Variants in IFT172 observed in about 807,000 individuals in gnomAD.
The protein encoded by IFT172 is intraflagellar transport 172.
Under a neutral mutation model 248.9 loss-of-function variants are expected in IFT172, and 164 were observed. The observed-to-expected ratio is 0.66, with a 90% CI of 0.58 to 0.75. IFT172 has a LOEUF of 0.75. Ranked by LOEUF, IFT172 falls within the 30% of genes least tolerant of loss-of-function variation. The pLI, the probability that IFT172 is intolerant of heterozygous loss-of-function variation, is 0.00. For synonymous variants in IFT172, 729 were observed against 791.6 expected, an observed-to-expected ratio of 0.92 and a Z score of 1.33; for missense variants, 1,950 against 2,192.4, an observed-to-expected ratio of 0.89 and a Z score of 2.21.
At chr2:27,488,836 T>C (rs183611512) in intron 1 of IFT172, among the ~76,000 whole-genome samples, 1 of 152,120 alleles carries the variant, frequency 6.6e-6, no homozygotes. Context: ...CTGGGCAACA[T>C]GGGGAAACCT....
At chr2:27,476,774 G>A in intron 13 of IFT172, 48 bp from the exon 14 acceptor site, 1 of 1,121,282 alleles carries the variant, frequency 8.9e-7, no homozygotes, top group East Asian at 2.4e-5. Context: ...AGGTAGTTGG[G>A]ATGTTTATTA....
intron 23 of IFT172, among the ~76,000 whole-genome samples, chr2:27,460,718 T>C (rs532581249): frequency 6.9e-5 from 8 of 115,302 alleles, no homozygotes; most frequent in East Asian, 2.4e-4. Context: ...CTCCCCACAA[T>C]TGTCTTGTGA....
chr2:27,456,530 C>A lies in IFT172; in HGVS notation c.3352G>T (p.Asp1118Tyr). Reference sequence around the variant, plus strand: ...CCTCACCAATTGTCTGCAGCGTGGTCAACAGCAGCTTCCAGGAGTCCCAGC... The same window carrying A: ...CCTCACCAATTGTCTGCAGCGTGGTAAACAGCAGCTTCCAGGAGTCCCAGC... ...NKLGLLEAAV[D>Y]HAADNCSFEF... is the part of the protein sequence containing the mutation. Residue 1118 changes from aspartate to tyrosine, a missense_variant, in exon 30 of 48, where the codon GAC becomes TAC. Physicochemically the swap from Asp to Tyr is radical, Grantham distance 160. Coordinates refer to ENST00000260570, the MANE Select transcript of IFT172 (RefSeq NM_015662.3). 1 of 1,613,774 alleles carries A rather than the reference C, an allele frequency of 6.2e-7. No homozygotes were observed. The highest frequency in any genetic ancestry group is 8.5e-7 in the Non-Finnish European group (1 of 1,179,900).
Position 27,458,816 on chromosome 2 carries a change from A to G in IFT172, c.2840T>C (p.Met947Thr), listed in dbSNP as rs1196018893. The change falls in exon 26 of 48, where the codon ATG (methionine) becomes ACG (threonine). Residue 947 changes from methionine to threonine, a missense_variant. This residue lies in a region of IFT172 where 1,166 missense variants were observed against 1,254.1 expected (regional missense o/e 0.93). Transcript: ENST00000260570. Reference protein sequence around the residue: ...KGDRTKDAIDMYTQAGRWEQA... With the variant: ...KGDRTKDAIDTYTQAGRWEQA... ...TTCCCAACGACCAGCCTGGGTGTAC[A>G]TGTCTATGGCATCTTTTGTCCGATC... The G allele has an allele frequency of 9.3e-6, 15 of 1,614,032 alleles. No individual in the cohort carries two copies. The highest frequency in any genetic ancestry group is 2.2e-5 in the South Asian group (2 of 91,084).
chr2:27,484,934 C>G (rs1668646880), intron 3 of IFT172, 84 bp downstream of exon 3: 3 of 825,832 alleles, frequency 3.6e-6, no homozygotes, highest in Admixed American at 4.1e-5. Flanking sequence ...TTCTCATCCC[C>G]TGTATTTCCC....
At chr2:27,481,320 A>T in intron 7 of IFT172, 60 bp from the exon 8 acceptor site, 5 of 1,256,476 alleles carry the variant, frequency 4.0e-6, no homozygotes, top group Non-Finnish European at 5.7e-6. Context: ...GAAATTCCTC[A>T]CTCTCAACAC....
rs772212247 is a variant in IFT172 at position 27,449,715 on chromosome 2, C to T, written c.4136G>A (p.Arg1379His). 2.7e-5 allele frequency: 44 copies of T among 1,613,608 alleles called. No individual in the cohort carries two copies. Among genetic ancestry groups the T allele is most frequent in the South Asian group, 8.8e-5 (8 of 91,046 alleles). Residue 1379 changes from arginine to histidine, a missense_variant, in exon 37 of 48, where the codon CGT (arginine) becomes CAT (histidine). By Grantham distance (29) the Arg-to-His change is conservative (BLOSUM62 0). This residue lies in a region of IFT172 where 620 missense variants were observed against 699.0 expected (regional missense o/e 0.89). Transcript: ENST00000260570. ...CCTGGGATCTAACTCCTTAGCTACA[C>T]GCTTCGCCTTGTTCCACTCCTCACC... ...IEGEEWNKAK[R>H]VAKELDPRYE... is the part of the protein sequence containing the mutation.
chr2:27,461,932 G>A lies in IFT172; in HGVS notation c.2116-96C>T, dbSNP rs1057486461. 1.8e-5 allele frequency: 24 copies of A among 1,342,468 alleles called. No individual in the cohort carries two copies. The Admixed American group carries it at 3.8e-4, about 21-fold the overall frequency. The allele number at this position is 1,342,468 out of a possible 1,614,324, so 83.2% of individuals were successfully genotyped here. Reference sequence around the variant, plus strand: ...CAGCCTGGCTAAGATGCCAGCCCATGAGGACCAAAAGCCTTTTAACTACTA... The same window carrying A: ...CAGCCTGGCTAAGATGCCAGCCCATAAGGACCAAAAGCCTTTTAACTACTA... On this transcript the variant is annotated intron_variant, in intron 20 of 47. Transcript: ENST00000260570.
intron 9 of IFT172, 42 bp downstream of exon 9, chr2:27,479,984 G>T (rs1172653192): frequency 6.3e-7 from 1 of 1,591,862 alleles, no homozygotes; most frequent in Admixed American, 1.8e-5. Context: ...TTTCTAGTTT[G>T]GTGAAAGTCA....
At chr2:27,467,925 C>T (rs1667229990) in intron 16 of IFT172, among the ~76,000 whole-genome samples, 1 of 151,988 alleles carries the variant, frequency 6.6e-6, no homozygotes, top group Non-Finnish European at 1.5e-5. Flanking sequence ...CTATGGGAGG[C>T]TGAGGCTGGC....
intron 16 of IFT172, among the ~76,000 whole-genome samples, chr2:27,469,676 A>T (rs1558394819): frequency 6.6e-6 from 1 of 152,200 alleles, no homozygotes; most frequent in African/African-American, 2.4e-5. Flanking sequence ...TACTAAAAAT[A>T]CAAAAATTAG....
chr2:27,480,858 G>A (rs1369866518), intron 8 of IFT172, among the ~76,000 whole-genome samples, 188 bp downstream of exon 8: 2 of 152,142 alleles, frequency 1.3e-5, no homozygotes, highest in Non-Finnish European at 2.9e-5. Context: ...GACAAAACAA[G>A]AGCCCAGGAC....
intron 16 of IFT172, among the ~76,000 whole-genome samples, chr2:27,468,830 C>G (rs1341118094): frequency 7.4e-6 from 1 of 134,234 alleles, no homozygotes; most frequent in African/African-American, 2.8e-5. Flanking sequence ...GCCTGGGCAA[C>G]AGAGCGACAC....
intron 14 of IFT172, among the ~76,000 whole-genome samples, chr2:27,474,860 T>A (rs1049215179): frequency 3.4e-5 from 5 of 147,076 alleles, no homozygotes; most frequent in African/African-American, 1.2e-4. Flanking sequence ...CCTCAAACTG[T>A]TTTTTTTTTT....
chr2:27,476,681 C>T lies in IFT172; in HGVS notation c.1371G>A (p.Lys457=), dbSNP rs759436301. 2 of 1,612,032 alleles carry T rather than the reference C, an allele frequency of 1.2e-6. No homozygotes were observed. Among genetic ancestry groups the T allele is most frequent in the Non-Finnish European group, 1.7e-6 (2 of 1,178,234 alleles). ...ERCQRGTEDN[K]KLAYLIDIKT... ...TAATATCAATAAGATAAGCCAATTTCTTATTATCTTCTGTTCCTCGCTGAC... is the reference window on the plus strand; with the variant it reads ...TAATATCAATAAGATAAGCCAATTTTTTATTATCTTCTGTTCCTCGCTGAC... Residue 457 remains lysine (K), a synonymous_variant, in exon 14 of 48, where the codon AAG becomes AAA. Transcript: ENST00000260570.
chr2:27,480,107 T>A lies in IFT172; in HGVS notation c.828A>T (p.Glu276Asp). 2 of 1,614,090 alleles carry A rather than the reference T, an allele frequency of 1.2e-6. No individual in the cohort carries two copies. The highest frequency in any genetic ancestry group is 1.7e-6 in the Non-Finnish European group (2 of 1,179,968). ...FNWIPRRSIWEEAKPKEITNL... is the reference protein window; with the variant it reads ...FNWIPRRSIWDEAKPKEITNL... ...TGGTAATCTCCTTGGGCTTTGCCTCTTCCCAGATGCTTCTTCGAGGGATCC... is the reference window on the plus strand; with the variant it reads ...TGGTAATCTCCTTGGGCTTTGCCTCATCCCAGATGCTTCTTCGAGGGATCC... The change falls in exon 9 of 48, where the codon GAA becomes GAT. Residue 276 changes from glutamate (E) to aspartate (D), a missense_variant. Physicochemically the swap from Glu to Asp is conservative, Grantham distance 45. This residue lies in a region of IFT172 where 1,166 missense variants were observed against 1,254.1 expected (regional missense o/e 0.93). Transcript: ENST00000260570.
In IFT172 at chr2:27,485,502, T is replaced by A; in HGVS notation, c.41A>T (p.Asp14Val). 6.2e-7 allele frequency: 1 copy of A among 1,613,948 alleles called. No homozygotes were observed. The highest frequency in any genetic ancestry group is 8.5e-7 in the Non-Finnish European group (1 of 1,179,876). ...CATGCAGGTCACCTTTGCAGCTCCA[T>A]CCTGTAGAGGCAAAGGGGTAAAAAC... The part of the protein sequence containing the change: ...KHLRTLLSPQ[D>V]GAAKVTCMAW... Residue 14 changes from aspartate (D) to valine (V), a missense_variant and splice_region_variant, in exon 2 of 48, where the codon GAT becomes GTT. Asp to Val is a radical substitution (Grantham distance 152). Coordinates refer to ENST00000260570, the MANE Select transcript of IFT172 (RefSeq NM_015662.3).
intron 3 of IFT172, 39 bp downstream of exon 3, chr2:27,484,979 C>G: frequency 5.0e-6 from 6 of 1,191,186 alleles, no homozygotes; most frequent in South Asian, 5.0e-5. Context: ...CCTTCCCCTT[C>G]TTTCCTGGGC....
At chr2:27,465,315 T>G (rs1018720002) in intron 18 of IFT172, 96 bp downstream of exon 18, 7 of 970,480 alleles carry the variant, frequency 7.2e-6, no homozygotes, top group Non-Finnish European at 1.2e-5. Flanking sequence ...AGGGAGGGAG[T>G]ACCTTAACAC....
Sources: allele counts gnomAD v4.1 joint callset (sites outside exome capture counted in the v4.1 genomes callset), GRCh38; gene constraint gnomAD v4.1.1; regional missense constraint gnomAD v4.1.1; transcripts MANE v1.5; gene names NCBI Gene and HGNC (gene_info 2026-07-23, HGNC 2026-07-21).